The following C8orf34 variants were observed in gnomAD, a reference collection of about 807,000 sequenced individuals.
The protein encoded by C8orf34 is chromosome 8 open reading frame 34, also known as uncharacterized protein C8orf34.
C8orf34 carries 65 observed loss-of-function variants against 68.3 expected under a neutral mutation model. The ratio of observed to expected loss-of-function variants is 0.95; its 90% CI spans 0.78 to 1.17. The LOEUF (loss-of-function observed/expected upper bound fraction) is 1.17, where lower values mean the gene tolerates loss of function less well. C8orf34 is among the 50% of genes most tolerant of loss of function. The pLI, the probability that C8orf34 is intolerant of heterozygous loss-of-function variation, is 0.00. For synonymous variants in C8orf34, 244 were observed against 241.2 expected, an observed-to-expected ratio of 1.01 and a Z score of -0.11; for missense variants, 664 against 655.4, an observed-to-expected ratio of 1.01 and a Z score of -0.14.
intron 3 of C8orf34, among the ~76,000 whole-genome samples, chr8:68,456,686 T>C (rs1214204508): frequency 6.6e-6 from 1 of 152,196 alleles, no homozygotes; most frequent in Admixed American, 6.5e-5. Context: ...TAGTTATGTG[T>C]CATAGATAAG....
chr8:68,610,288 G>A (rs913981925), intron 7 of C8orf34, among the ~76,000 whole-genome samples: 11 of 152,084 alleles, frequency 7.2e-5, no homozygotes, highest in Non-Finnish European at 1.3e-4. Context: ...AGCTAATTAT[G>A]TGGAGCAGTG....
rs149186650 is a variant in C8orf34 at position 68,467,658 on chromosome 8, A to G, written c.608-1034A>G. The stretch of plus-strand genomic sequence containing the variant: ...TTGCCATTTTTTGATTTACTTGTTC[A>G]TTTTGGTAGAGCAACTCCAGTAGGA... On this transcript the variant is annotated intron_variant, in intron 3 of 13. Transcript: ENST00000518698. 3.3e-4 allele frequency among the ~76,000 whole-genome samples: 50 copies of G among 151,930 alleles called. 1 individual carries two copies. Among genetic ancestry groups the G allele is most frequent in the African/African-American group, 1.2e-3 (48 of 41,466 alleles).
At chr8:68,800,470 G>C (rs1824299469) in intron 12 of C8orf34, among the ~76,000 whole-genome samples, 1 of 152,104 alleles carries the variant, frequency 6.6e-6, no homozygotes, top group South Asian at 2.1e-4. Flanking sequence ...AATTTAAGAA[G>C]TGCTTTTTAA....
At chr8:68,678,785 A>C (rs1188627283) in intron 8 of C8orf34, among the ~76,000 whole-genome samples, 1 of 152,006 alleles carries the variant, frequency 6.6e-6, no homozygotes, top group East Asian at 1.9e-4. Context: ...TCTGAATTGG[A>C]AAGGAAAAAG....
At chr8:68,402,901 T>A (rs1809019592) in intron 1 of C8orf34, among the ~76,000 whole-genome samples, 1 of 152,184 alleles carries the variant, frequency 6.6e-6, no homozygotes, top group Admixed American at 6.5e-5. Context: ...CCAATGAATA[T>A]GATTGCAAAT....
intron 1 of C8orf34, among the ~76,000 whole-genome samples, chr8:68,336,663 G>T (rs1805864616): frequency 1.3e-5 from 2 of 152,136 alleles, no homozygotes; most frequent in African/African-American, 2.4e-5. Flanking sequence ...AAGGGCCTGG[G>T]AATAACAACA....
chr8:68,709,524 C>G (rs936431610), intron 9 of C8orf34, among the ~76,000 whole-genome samples: 1 of 152,064 alleles, frequency 6.6e-6, no homozygotes. Flanking sequence ...TCATACTTGA[C>G]AATATCATAC....
chr8:68,796,169 A>G (rs1043331295), intron 12 of C8orf34, among the ~76,000 whole-genome samples: 3 of 152,210 alleles, frequency 2.0e-5, no homozygotes, highest in African/African-American at 4.8e-5. Flanking sequence ...AAAACCCCAC[A>G]TAACTCACTT....
chr8:68,335,152 G>A (rs2129617784), intron 1 of C8orf34, among the ~76,000 whole-genome samples: 1 of 152,196 alleles, frequency 6.6e-6, no homozygotes, highest in Middle Eastern at 3.4e-3. Context: ...GTCTAATTTA[G>A]GCAGGCTTAT....
chr8:68,631,897 C>T (rs1314291887), intron 7 of C8orf34, among the ~76,000 whole-genome samples: 1 of 152,112 alleles, frequency 6.6e-6, no homozygotes, highest in Non-Finnish European at 1.5e-5. Flanking sequence ...GTCAGTTAGA[C>T]CTCTTTCTTT....
At chr8:68,472,976 A>G (rs557884019) in intron 4 of C8orf34, among the ~76,000 whole-genome samples, 3 of 151,956 alleles carry the variant, frequency 2.0e-5, no homozygotes, top group African/African-American at 7.3e-5. Context: ...TAACAAAAAA[A>G]CCCCCACAAA....
At chr8:68,722,990 A>C (rs1229499345) in intron 10 of C8orf34, among the ~76,000 whole-genome samples, 1 of 152,100 alleles carries the variant, frequency 6.6e-6, no homozygotes, top group East Asian at 1.9e-4. Context: ...CAATGCAGAG[A>C]TATCTAACCT....
rs367957716 is a variant in C8orf34 at position 68,787,434 on chromosome 8, C to G, written c.1456-9C>G. On this transcript the variant is annotated splice_polypyrimidine_tract_variant and intron_variant, in intron 11 of 13. Coordinates refer to ENST00000518698, the MANE Select transcript of C8orf34 (RefSeq NM_052958.4). ...GAGTTTAATCTAAAATAAATGTGTT[C>G]TTTTGCAGGATGAATCCTTAAAGCA... 1 of 1,599,824 alleles carries G rather than the reference C, an allele frequency of 6.3e-7. No individual in the cohort carries two copies. The highest frequency in any genetic ancestry group is 8.5e-7 in the Non-Finnish European group (1 of 1,170,106).
rs185445599 is a variant in C8orf34 at position 68,456,613 on chromosome 8, A to G, written c.607+10153A>G. ...TCATACAAACCAAAAAATAGCACTTATACAATTCAAACTGGCATAGGGACA... is the reference window on the plus strand; with the variant it reads ...TCATACAAACCAAAAAATAGCACTTGTACAATTCAAACTGGCATAGGGACA... On this transcript the variant is annotated intron_variant, in intron 3 of 13. Coordinates refer to ENST00000518698, the MANE Select transcript of C8orf34 (RefSeq NM_052958.4). Among the ~76,000 whole-genome samples, 277 of 152,368 alleles carry G rather than the reference A, an allele frequency of 1.8e-3. 3 individuals are homozygous for G. The highest frequency in any genetic ancestry group is 0.01 in the Middle Eastern group (3 of 294).
intron 4 of C8orf34, among the ~76,000 whole-genome samples, chr8:68,478,478 C>G (rs1812718839): frequency 1.3e-5 from 2 of 152,186 alleles, no homozygotes; most frequent in Non-Finnish European, 2.9e-5. Context: ...CCAACCTCTG[C>G]CTGTTACCCA....
chr8:68,468,683 TAAACATAG>T lies in C8orf34; in HGVS notation c.608-8_608-1del. 6.2e-7 allele frequency: 1 copy of T among 1,605,604 alleles called. No homozygotes were observed. Among genetic ancestry groups the T allele is most frequent in the Admixed American group, 1.7e-5 (1 of 58,050 alleles). On this transcript the variant is annotated splice_acceptor_variant and splice_polypyrimidine_tract_variant and intron_variant, in intron 3 of 13. Coordinates refer to ENST00000518698, the MANE Select transcript of C8orf34 (RefSeq NM_052958.4). LOFTEE classifies it high-confidence loss of function. The stretch of plus-strand genomic sequence containing the variant: ...ATGCTTATGAAATTACCATTTTTTT[TAAACATAG>T]TGCCAAGGTCAGTAGAGCATCCAAA...
intron 7 of C8orf34, among the ~76,000 whole-genome samples, chr8:68,601,358 C>T (rs1431921056): frequency 1.3e-5 from 2 of 151,936 alleles, no homozygotes; most frequent in African/African-American, 2.4e-5. Flanking sequence ...TCCAACGGTA[C>T]ACATGTTAAC....
chr8:68,375,359 A>T (rs1342684341), intron 1 of C8orf34, among the ~76,000 whole-genome samples: 1 of 152,252 alleles, frequency 6.6e-6, no homozygotes, highest in Non-Finnish European at 1.5e-5. Flanking sequence ...AATAAAACAC[A>T]TGTAAACAAG....
intron 8 of C8orf34, among the ~76,000 whole-genome samples, chr8:68,706,263 A>G (rs1030328391): frequency 1.3e-5 from 2 of 152,216 alleles, no homozygotes; most frequent in East Asian, 1.9e-4. Flanking sequence ...ACAGGGGTGC[A>G]GAGGAGCTGA....
Sources: gnomAD v4.1 joint callset for allele counts (sites outside exome capture counted in the v4.1 genomes callset) on GRCh38, gnomAD v4.1.1 for gene constraint, MANE v1.5 for transcripts, NCBI Gene and HGNC (gene_info 2026-07-23, HGNC 2026-07-21) for gene names.